The following PPM1L variants were observed in gnomAD, a reference collection of about 807,000 sequenced individuals.
PPM1L encodes protein phosphatase, Mg2+/Mn2+ dependent 1L.
Under a neutral mutation model 31.4 loss-of-function variants are expected in PPM1L, and 13 were observed. The ratio of observed to expected loss-of-function variants is 0.41; its 90% CI spans 0.27 to 0.66. The LOEUF (loss-of-function observed/expected upper bound fraction) is 0.66. Among genes scored for constraint, PPM1L ranks in the 30% least tolerant of loss-of-function variants. The pLI is 0.29. For missense variants in PPM1L, 326 were observed against 453.7 expected, an observed-to-expected ratio of 0.72 and a Z score of 2.56; for synonymous variants, 184 against 175.4, an observed-to-expected ratio of 1.05 and a Z score of -0.39.
intron 1 of PPM1L, among the ~76,000 whole-genome samples, chr3:160,820,717 A>G (rs543861992): frequency 6.6e-6 from 1 of 152,078 alleles, no homozygotes; most frequent in Non-Finnish European, 1.5e-5. Flanking sequence ...TGCATGTAGC[A>G]TTCACTCATT....
At chr3:161,046,656 A>G (rs981253603) in intron 2 of PPM1L, among the ~76,000 whole-genome samples, 6 of 152,200 alleles carry the variant, frequency 3.9e-5, no homozygotes, top group African/African-American at 1.4e-4. Context: ...TTTTAGACCA[A>G]TATCCTTGAT....
intron 1 of PPM1L, among the ~76,000 whole-genome samples, chr3:160,901,267 CA>C (rs1713533468): frequency 6.6e-6 from 1 of 152,134 alleles, no homozygotes; most frequent in African/African-American, 2.4e-5. Context: ...CTGGTCTCCC[CA>C]CCCAAACCTG....
intron 1 of PPM1L, among the ~76,000 whole-genome samples, chr3:160,881,054 A>G (rs1712694146): frequency 6.6e-6 from 1 of 152,264 alleles, no homozygotes; most frequent in African/African-American, 2.4e-5. Flanking sequence ...TACAGAGAAC[A>G]GCTTGTGACT....
At chr3:160,949,964 A>G (rs1373333166) in intron 1 of PPM1L, among the ~76,000 whole-genome samples, 1 of 152,156 alleles carries the variant, frequency 6.6e-6, no homozygotes, top group Admixed American at 6.5e-5. Context: ...AGATACAACA[A>G]ATTAAGTTTG....
intron 1 of PPM1L, among the ~76,000 whole-genome samples, chr3:160,954,884 TTCCCTTTCTTTC>T (rs1715692005): frequency 6.7e-6 from 1 of 148,668 alleles, no homozygotes; most frequent in African/African-American, 2.5e-5. Flanking sequence ...GGTTTTTGTT[TTCCCTTTCTTTC>T]TTCCTTCCTT....
chr3:161,058,345 G>A (rs866557559), intron 2 of PPM1L, among the ~76,000 whole-genome samples: 1 of 151,274 alleles, frequency 6.6e-6, no homozygotes, highest in Non-Finnish European at 1.5e-5. Context: ...GGCTGGTCTC[G>A]AACTCCTAAC....
At chr3:160,894,085 T>C (rs921576609) in intron 1 of PPM1L, among the ~76,000 whole-genome samples, 14 of 152,204 alleles carry the variant, frequency 9.2e-5, no homozygotes, top group Non-Finnish European at 1.5e-4. Context: ...TTTTGACTTA[T>C]GATATTTTCA....
chr3:160,862,701 C>CACACAT (rs1711944365), intron 1 of PPM1L, among the ~76,000 whole-genome samples: 2 of 136,448 alleles, frequency 1.5e-5, no homozygotes, highest in Admixed American at 7.0e-5. Flanking sequence ...CACACACACA[C>CACACAT]ACAAAATTCT....
intron 1 of PPM1L, among the ~76,000 whole-genome samples, chr3:160,952,543 T>A (rs189625392): frequency 9.2e-5 from 14 of 152,334 alleles, no homozygotes; most frequent in African/African-American, 2.6e-4. Flanking sequence ...ACTCAGTATT[T>A]GCAGAATTGA....
intron 1 of PPM1L, among the ~76,000 whole-genome samples, chr3:160,957,274 G>A (rs370527531): frequency 2.0e-5 from 3 of 152,184 alleles, no homozygotes; most frequent in Admixed American, 1.3e-4. Context: ...TGGTGAATGT[G>A]TACTACATTT....
At chr3:160,873,460 A>C (rs1161615623) in intron 1 of PPM1L, among the ~76,000 whole-genome samples, 1 of 152,168 alleles carries the variant, frequency 6.6e-6, no homozygotes, top group African/African-American at 2.4e-5. Context: ...GGTATATACA[A>C]ACCCATTCTC....
chr3:160,764,292 CA>C lies in PPM1L; in HGVS notation c.399+7586del, dbSNP rs1463903536. Among the ~76,000 whole-genome samples the C allele has an allele frequency of 6.6e-5, 10 of 152,116 alleles. No homozygotes were observed. In the East Asian group the frequency reaches 1.4e-3, roughly 21 times the overall value. ...GACTATAGGCATGTGCCACTGTGCC[CA>C]GCTTCACCTTTTTTAAAACAATATG... On this transcript the variant is annotated intron_variant, in intron 1 of 3. Coordinates refer to ENST00000498165, the MANE Select transcript of PPM1L (RefSeq NM_139245.4).
intron 1 of PPM1L, among the ~76,000 whole-genome samples, chr3:160,920,839 A>G (rs1338085735): frequency 6.6e-6 from 1 of 152,162 alleles, no homozygotes; most frequent in Admixed American, 6.5e-5. Context: ...GTAGTGTGAA[A>G]TTTAGCATAA....
chr3:160,899,044 T>C (rs771904521), intron 1 of PPM1L, among the ~76,000 whole-genome samples: 4 of 152,186 alleles, frequency 2.6e-5, no homozygotes, highest in Non-Finnish European at 4.4e-5. Flanking sequence ...AGCTTTCCTT[T>C]GTCTAGCTAT....
chr3:160,941,153 C>T (rs1443358391), intron 1 of PPM1L, among the ~76,000 whole-genome samples: 15 of 152,182 alleles, frequency 9.9e-5, no homozygotes, highest in Admixed American at 9.2e-4. Flanking sequence ...TGTATTTACC[C>T]AATACCTGTA....
At chr3:160,941,718 A>T (rs896386857) in intron 1 of PPM1L, among the ~76,000 whole-genome samples, 2 of 152,170 alleles carry the variant, frequency 1.3e-5, no homozygotes, top group African/African-American at 4.8e-5. Context: ...AAAATGAACT[A>T]ATACATGGTG....
rs142744803 is a variant in PPM1L, at chr3:160,897,330, C to T, written c.400-64406C>T. ...TGCTGGGATTACAGGTGTGAGCCAC[C>T]GTGCCTGGCCAACTACTGACTCTTA... On this transcript the variant is annotated intron_variant, in intron 1 of 3. Coordinates refer to ENST00000498165, the MANE Select transcript of PPM1L (RefSeq NM_139245.4). 5.3e-4 allele frequency among the ~76,000 whole-genome samples: 81 copies of T among 152,182 alleles called. No homozygotes were observed. The East Asian group carries it at 8.7e-3, about 16-fold the overall frequency.
At chr3:161,044,127 C>T (rs1002437080) in intron 2 of PPM1L, among the ~76,000 whole-genome samples, 4 of 152,032 alleles carry the variant, frequency 2.6e-5, no homozygotes, top group African/African-American at 7.2e-5. Context: ...GCAACCTCTG[C>T]CTCCTGGGTT....
chr3:161,063,482 TTTAA>T (rs1274536858), intron 2 of PPM1L, among the ~76,000 whole-genome samples: 2 of 138,944 alleles, frequency 1.4e-5, no homozygotes, highest in Non-Finnish European at 3.1e-5. Context: ...TGATAGTTAT[TTTAA>T]TTCTCTCTGC....
Sources: allele counts gnomAD v4.1 joint callset (sites outside exome capture counted in the v4.1 genomes callset), GRCh38; gene constraint gnomAD v4.1.1; transcripts MANE v1.5; gene names NCBI Gene and HGNC (gene_info 2026-07-23, HGNC 2026-07-21).